DNAJC16: variants seen among roughly 807,000 people sequenced by gnomAD.
DNAJC16 encodes the protein DnaJ heat shock protein family (Hsp40) member C16, also known as dnaJ homolog subfamily C member 16.
A neutral mutation model predicts 92.7 loss-of-function variants in DNAJC16; 76 were observed. That is an observed-to-expected ratio of 0.82 (90% confidence interval 0.68 to 0.99). The LOEUF (loss-of-function observed/expected upper bound fraction) is 0.99, where lower values mean the gene tolerates loss of function less well. Among genes scored for constraint, DNAJC16 ranks in the 50% least tolerant of loss-of-function variants. The pLI is 0.00. For missense variants in DNAJC16, 869 were observed against 942.4 expected (o/e 0.92, Z 1.02); for synonymous variants, 328 against 358.7 (o/e 0.91, Z 0.97).
At chr1:15,541,088 C>A (rs940941065) in intron 4 of DNAJC16, among the ~76,000 whole-genome samples, 6 of 152,144 alleles carry the variant, frequency 3.9e-5, no homozygotes, top group African/African-American at 1.4e-4. Context: ...ACTTACCTTG[C>A]AGAATGATTG....
At chr1:15,533,955 A>G (rs1208187996) in intron 2 of DNAJC16, among the ~76,000 whole-genome samples, 1 of 152,226 alleles carries the variant, frequency 6.6e-6, no homozygotes, top group Non-Finnish European at 1.5e-5. Flanking sequence ...CAGTGTACAG[A>G]CATGCACCAT....
At chr1:15,539,230 G>A (rs1171918806) in intron 4 of DNAJC16, among the ~76,000 whole-genome samples, 1 of 149,524 alleles carries the variant, frequency 6.7e-6, no homozygotes, top group African/African-American at 2.5e-5. Context: ...AGTCACATAT[G>A]CCTTTTTATT....
chr1:15,559,952 A>G (rs1638654286), intron 8 of DNAJC16, among the ~76,000 whole-genome samples: 2 of 151,980 alleles, frequency 1.3e-5, no homozygotes, highest in South Asian at 4.1e-4. Context: ...AATCCCAGCT[A>G]CTAGGGAGGC....
At position 15,536,716 on chromosome 1, in the gene DNAJC16, A is replaced by G. The variant is rs1710798356; in HGVS notation, c.476A>G (p.Lys159Arg). ...YVNEVVPDSF[K>R]KPYLIKITSD... is the part of the protein sequence containing the mutation. ...AATGAAGTGGTTCCAGATAGCTTCA[A>G]GAAACCCTACCTCATCAAGATCACC... Residue 159 changes from lysine to arginine, a missense_variant, in exon 4 of 15, where the codon AAG becomes AGG. Physicochemically the swap from Lys to Arg is conservative, Grantham distance 26 (BLOSUM62 2). Coordinates refer to ENST00000375847, the MANE Select transcript of DNAJC16 (RefSeq NM_015291.4). 6 of 1,614,252 alleles carry G rather than the reference A, an allele frequency of 3.7e-6. No homozygotes were observed. The highest frequency in any genetic ancestry group is 5.1e-6 in the Non-Finnish European group (6 of 1,180,046).
chr1:15,536,746 A>T lies in DNAJC16; in HGVS notation c.506A>T (p.Asp169Val). The T allele has an allele frequency of 6.2e-7, 1 of 1,614,172 alleles. No individual in the cohort carries two copies. The highest frequency in any genetic ancestry group is 8.5e-7 in the Non-Finnish European group (1 of 1,180,040). Residue 169 changes from aspartate to valine, a missense_variant, in exon 4 of 15, where the codon GAT becomes GTT. Transcript: ENST00000375847. ...KKPYLIKITSDWCFSCIHIEP... is the reference protein window; with the variant it reads ...KKPYLIKITSVWCFSCIHIEP... Reference sequence around the variant, plus strand: ...CCCTACCTCATCAAGATCACCTCCGATTGGTGCTTTAGCTGCATTCATATC... The same window carrying T: ...CCCTACCTCATCAAGATCACCTCCGTTTGGTGCTTTAGCTGCATTCATATC...
At chr1:15,548,057 AAAAG>A (rs1638351834) in intron 6 of DNAJC16, among the ~76,000 whole-genome samples, 1 of 152,180 alleles carries the variant, frequency 6.6e-6, no homozygotes, top group Admixed American at 6.6e-5. Context: ...TTAGCTATGA[AAAAG>A]AAGAGAGTTG....
intron 4 of DNAJC16, among the ~76,000 whole-genome samples, chr1:15,539,130 A>G (rs1350477405): frequency 1.3e-5 from 2 of 152,386 alleles, no homozygotes; most frequent in East Asian, 3.8e-4. Context: ...ACCCTCTCAC[A>G]GCCTCAGTAT....
intron 4 of DNAJC16, among the ~76,000 whole-genome samples, chr1:15,542,831 C>T (rs1332515516): frequency 2.6e-5 from 4 of 152,184 alleles, no homozygotes; most frequent in African/African-American, 9.7e-5. Flanking sequence ...CATAGTGGCA[C>T]GTGCCTGGAA....
At chr1:15,544,144 A>G (rs1455181878) in intron 4 of DNAJC16, among the ~76,000 whole-genome samples, 2 of 135,144 alleles carry the variant, frequency 1.5e-5, no homozygotes, top group African/African-American at 2.9e-5. Context: ...TGTTTTATGT[A>G]TATGCATACA....
Position 15,567,145 on chromosome 1 carries a change from G to GT in DNAJC16, c.1826dup (p.Thr610AsnfsTer5). The GT allele has an allele frequency of 6.2e-7, 1 of 1,613,852 alleles. No homozygotes were observed. The highest frequency in any genetic ancestry group is 8.5e-7 in the Non-Finnish European group (1 of 1,179,742). On this transcript the variant is annotated frameshift_variant, in exon 14 of 15. Transcript: ENST00000375847. LOFTEE classifies it high-confidence loss of function. ...TGTGGAGGTAACTGAACTCACAGATGTAACATACACCAGTAACTTGGTACG... is the reference window on the plus strand; with the variant it reads ...TGTGGAGGTAACTGAACTCACAGATGTTAACATACACCAGTAACTTGGTACG...
chr1:15,538,901 A>G (rs1710859427), intron 4 of DNAJC16, among the ~76,000 whole-genome samples: 1 of 152,104 alleles, frequency 6.6e-6, no homozygotes. Flanking sequence ...GTGTACCAGC[A>G]TGTTTGTATT....
chr1:15,547,733 C>T (rs778401353), intron 6 of DNAJC16, among the ~76,000 whole-genome samples: 8 of 152,144 alleles, frequency 5.3e-5, no homozygotes, highest in Non-Finnish European at 8.8e-5. Flanking sequence ...TGAGCCACCA[C>T]GCCTGGCCAC....
At chr1:15,551,221 T>A (rs1158638173) in intron 7 of DNAJC16, among the ~76,000 whole-genome samples, 1 of 152,202 alleles carries the variant, frequency 6.6e-6, no homozygotes, top group African/African-American at 2.4e-5. Flanking sequence ...TATTAAACCT[T>A]AACCCTTGAG....
intron 7 of DNAJC16, among the ~76,000 whole-genome samples, chr1:15,553,514 G>A (rs988342049): frequency 4.6e-5 from 7 of 152,182 alleles, no homozygotes; most frequent in Admixed American, 1.3e-4. Flanking sequence ...GATTACAGAC[G>A]TGAGTCACCG....
chr1:15,566,996 TA>T, intron 13 of DNAJC16, 102 bp from the exon 14 acceptor site: 1 of 1,087,660 alleles, frequency 9.2e-7, no homozygotes, highest in East Asian at 2.5e-5. Context: ...ATAACATACC[TA>T]GTCTGGTTAG....
chr1:15,567,232 C>G lies in DNAJC16; in HGVS notation c.1912C>G (p.Leu638Val). 6.2e-7 allele frequency: 1 copy of G among 1,613,922 alleles called. No individual in the cohort carries two copies. Among genetic ancestry groups the G allele is most frequent in the Non-Finnish European group, 8.5e-7 (1 of 1,179,888 alleles). ...ILSNSTKTSLLQKFALEVYTF... is the reference protein window; with the variant it reads ...ILSNSTKTSLVQKFALEVYTF... ...GTCGAATTCTACCAAGACCAGCCTA[C>G]TACAGAAATTTGCTTTGGAGGTCTA... The change falls in exon 14 of 15, where the codon CTA (leucine) becomes GTA (valine). Residue 638 changes from leucine to valine, a missense_variant. Leu to Val is a conservative substitution (Grantham distance 32). Coordinates refer to ENST00000375847, the MANE Select transcript of DNAJC16 (RefSeq NM_015291.4).
rs775375202 is a variant in DNAJC16 at position 15,565,985 on chromosome 1, C to T, written c.1665C>T (p.Ile555=). 10 of 1,613,664 alleles carry T rather than the reference C, an allele frequency of 6.2e-6. No homozygotes were observed. In the African/African-American group the frequency reaches 9.4e-5, roughly 15 times the overall value. Reference sequence around the variant, plus strand: ...TCTTCATCCTCTTCGGCACTGTCATCGTTCAGGCTTTCAGGTAAATGTCCT... The same window carrying T: ...TCTTCATCCTCTTCGGCACTGTCATTGTTCAGGCTTTCAGGTAAATGTCCT... ...SALFILFGTV[I]VQAFSDSNDE... Residue 555 remains isoleucine (I), a synonymous_variant, in exon 12 of 15, where the codon ATC becomes ATT. Coordinates refer to ENST00000375847, the MANE Select transcript of DNAJC16 (RefSeq NM_015291.4).
chr1:15,559,940 G>A (rs1638654164), intron 8 of DNAJC16, among the ~76,000 whole-genome samples: 1 of 151,948 alleles, frequency 6.6e-6, no homozygotes, highest in Non-Finnish European at 1.5e-5. Context: ...GCTTATGCCT[G>A]TAATCCCAGC....
Position 15,554,431 on chromosome 1 carries a change from T to C in DNAJC16, c.1024-5095T>C, listed in dbSNP as rs1638520200. Among the ~76,000 whole-genome samples, 3 of 152,284 alleles carry C rather than the reference T, an allele frequency of 2.0e-5. No homozygotes were observed. In the East Asian group the frequency reaches 5.8e-4, roughly 30 times the overall value. On this transcript the variant is annotated intron_variant, in intron 7 of 14. Transcript: ENST00000375847. The stretch of plus-strand genomic sequence containing the variant: ...TTCTTCCTTGTTTCTATTTAAGATA[T>C]ACTTCCCCTACATCAAAAATCATGA...
Sources: allele counts gnomAD v4.1 joint callset (sites outside exome capture counted in the v4.1 genomes callset), GRCh38; gene constraint gnomAD v4.1.1; transcripts MANE v1.5; gene names NCBI Gene and HGNC (gene_info 2026-07-23, HGNC 2026-07-21).